PACRG: variants seen among roughly 807,000 people sequenced by gnomAD.
The protein encoded by PACRG is parkin coregulated.
Under a neutral mutation model 29.7 loss-of-function variants are expected in PACRG, and 29 were observed. The observed-to-expected ratio is 0.98, with a 90% CI of 0.73 to 1.33. The LOEUF (loss-of-function observed/expected upper bound fraction) is 1.33, where lower values mean the gene tolerates loss of function less well. PACRG is among the 40% of genes most tolerant of loss of function. PACRG has a pLI of 0.00. For missense variants in PACRG, 279 were observed against 316.2 expected (o/e 0.88, Z 0.89); for synonymous variants, 116 against 118.7 (o/e 0.98, Z 0.15).
intron 4 of PACRG, among the ~76,000 whole-genome samples, chr6:163,104,323 A>T (rs6917102): frequency 0.081 from 12,256 of 152,238 alleles, 578 homozygotes; most frequent in Non-Finnish European, 0.097. Context: ...GTGTGCATTC[A>T]ATTTTTTTTT....
intron 2 of PACRG, among the ~76,000 whole-genome samples, chr6:162,919,515 T>G (rs1796919942): frequency 6.6e-6 from 1 of 151,836 alleles, no homozygotes; most frequent in South Asian, 2.1e-4. Context: ...ACTAGTAGAG[T>G]TCCCAGCTAA....
chr6:163,057,015 C>G (rs1458027306), intron 2 of PACRG, among the ~76,000 whole-genome samples: 1 of 152,114 alleles, frequency 6.6e-6, no homozygotes, highest in Non-Finnish European at 1.5e-5. Flanking sequence ...ACAATGACCT[C>G]GGTTTTCTCA....
intron 2 of PACRG, among the ~76,000 whole-genome samples, chr6:162,826,339 A>T (rs1163187943): frequency 6.6e-6 from 1 of 152,156 alleles, no homozygotes; most frequent in African/African-American, 2.4e-5. Context: ...GCCAACCCAC[A>T]ACTCTCATTT....
At chr6:163,162,657 G>A (rs143462260) in intron 4 of PACRG, among the ~76,000 whole-genome samples, 324 of 152,356 alleles carry the variant, frequency 2.1e-3, no homozygotes, top group African/African-American at 7.1e-3. Context: ...AAGGATTCAA[G>A]TGTCACATCT....
intron 2 of PACRG, among the ~76,000 whole-genome samples, chr6:162,884,757 G>C (rs968372437): frequency 6.6e-6 from 1 of 152,086 alleles, no homozygotes; most frequent in Admixed American, 6.5e-5. Flanking sequence ...GTATGCCTGT[G>C]TATGGTGGTT....
intron 2 of PACRG, among the ~76,000 whole-genome samples, chr6:162,948,437 A>G (rs1302381052): frequency 6.6e-6 from 1 of 152,068 alleles, no homozygotes; most frequent in Non-Finnish European, 1.5e-5. Flanking sequence ...ACTAAAAACT[A>G]GAAGAAAACA....
chr6:163,300,556 G>A (rs953406582), intron 4 of PACRG, among the ~76,000 whole-genome samples: 1 of 152,186 alleles, frequency 6.6e-6, no homozygotes, highest in Admixed American at 6.5e-5. Flanking sequence ...GCTTAACCGG[G>A]CTGTCTCCTC....
At chr6:162,762,067 C>T (rs1782417057) in intron 1 of PACRG, among the ~76,000 whole-genome samples, 1 of 151,106 alleles carries the variant, frequency 6.6e-6, no homozygotes, top group Admixed American at 6.6e-5. Context: ...GGGCAGGGAG[C>T]TCTGCTGTCA....
intron 4 of PACRG, among the ~76,000 whole-genome samples, chr6:163,225,776 A>G (rs1781768509): frequency 6.6e-6 from 1 of 152,266 alleles, no homozygotes; most frequent in African/African-American, 2.4e-5. Context: ...TCATTGCAGC[A>G]TTATTCACAG....
At chr6:162,774,665 T>A (rs1231908108) in intron 1 of PACRG, among the ~76,000 whole-genome samples, 1 of 152,224 alleles carries the variant, frequency 6.6e-6, no homozygotes, top group Non-Finnish European at 1.5e-5. Flanking sequence ...TCTCCATCTC[T>A]ACTGTATTTA....
At chr6:163,246,143 T>C (rs1782689947) in intron 4 of PACRG, among the ~76,000 whole-genome samples, 1 of 152,198 alleles carries the variant, frequency 6.6e-6, no homozygotes, top group African/African-American at 2.4e-5. Context: ...TCCAATGATA[T>C]TCCATGACGC....
intron 4 of PACRG, among the ~76,000 whole-genome samples, chr6:163,206,139 G>A (rs1266321004): frequency 2.0e-5 from 3 of 152,180 alleles, no homozygotes; most frequent in Admixed American, 2.0e-4. Context: ...CAGCCATTGT[G>A]GAAAGCAGTG....
chr6:163,200,055 C>G (rs1328707968), intron 4 of PACRG, among the ~76,000 whole-genome samples: 1 of 152,158 alleles, frequency 6.6e-6, no homozygotes, highest in Non-Finnish European at 1.5e-5. Context: ...AAAAGTGACT[C>G]TGCTCACTTT....
At chr6:163,107,227 TATG>T (rs1815433781) in intron 4 of PACRG, among the ~76,000 whole-genome samples, 2 of 152,076 alleles carry the variant, frequency 1.3e-5, no homozygotes, top group African/African-American at 4.8e-5. Context: ...CTAATAGAAA[TATG>T]ATGAGAAAGA....
At chr6:163,179,490 G>A (rs953332147) in intron 4 of PACRG, 9 of 260,770 alleles carry the variant, frequency 3.5e-5, no homozygotes, top group Non-Finnish European at 5.4e-5. Context: ...GCTTCAGCCC[G>A]GGAAGGAGTT....
chr6:163,018,680 C>T lies in PACRG; in HGVS notation c.292-43470C>T, dbSNP rs187361255. Among the ~76,000 whole-genome samples the T allele has an allele frequency of 3.4e-4, 51 of 152,172 alleles. No individual in the cohort carries two copies. The East Asian group carries it at 5.2e-3, about 16-fold the overall frequency. On this transcript the variant is annotated intron_variant, in intron 2 of 4. Transcript: ENST00000366888. ...GTCAGTAACTTTACTAAAATATGCC[C>T]CAGTGTTGGTCTTTCAGGATTAAAT...
chr6:163,126,285 T>A (rs1816511530), intron 4 of PACRG, among the ~76,000 whole-genome samples: 4 of 152,212 alleles, frequency 2.6e-5, no homozygotes, highest in Admixed American at 2.6e-4. Flanking sequence ...CTCATTAACC[T>A]CTGAATCAGG....
At chr6:163,205,040 G>C (rs1443118591) in intron 4 of PACRG, among the ~76,000 whole-genome samples, 2 of 152,132 alleles carry the variant, frequency 1.3e-5, no homozygotes, top group Non-Finnish European at 2.9e-5. Context: ...AGTGAGAATT[G>C]CAAAAGACTG....
At chr6:163,061,334 T>C (rs1811080983) in intron 2 of PACRG, among the ~76,000 whole-genome samples, 1 of 152,196 alleles carries the variant, frequency 6.6e-6, no homozygotes, top group African/African-American at 2.4e-5. Context: ...CCAAATCTTC[T>C]ACAGGTAGAT....
Sources: allele counts gnomAD v4.1 joint callset (sites outside exome capture counted in the v4.1 genomes callset), GRCh38; gene constraint gnomAD v4.1.1; transcripts MANE v1.5; gene names NCBI Gene and HGNC (gene_info 2026-07-23, HGNC 2026-07-21).